Variants in AFF4 observed in about 807,000 individuals in gnomAD.
The protein encoded by AFF4 is AF4/FMR2 family member 4.
In AFF4, 13 loss-of-function variants were observed where a neutral mutation model predicts 124.8. That is an observed-to-expected ratio of 0.10 (90% CI 0.07 to 0.17). The LOEUF is 0.17. Ranked by LOEUF, AFF4 falls within the 10% of genes least tolerant of loss-of-function variation. The pLI is 1.00. For missense variants in AFF4, 1,092 were observed against 1,403.8 expected (o/e 0.78, Z 3.55); for synonymous variants, 477 against 496.1 (o/e 0.96, Z 0.51).
At chr5:132,948,313 T>C (rs1761749130) in intron 1 of AFF4, among the ~76,000 whole-genome samples, 1 of 152,148 alleles carries the variant, frequency 6.6e-6, no homozygotes, top group Admixed American at 6.6e-5. Flanking sequence ...CCTCCCAAAG[T>C]GAAATTGTAC....
At chr5:132,921,911 G>A (rs1761057819) in intron 5 of AFF4, among the ~76,000 whole-genome samples, 1 of 150,460 alleles carries the variant, frequency 6.6e-6, no homozygotes, top group Admixed American at 6.6e-5. Flanking sequence ...ATCCTGAGTG[G>A]CTGAGACTAC....
chr5:132,883,077 A>T (rs2150063321), intron 20 of AFF4, among the ~76,000 whole-genome samples: 1 of 152,230 alleles, frequency 6.6e-6, no homozygotes, highest in African/African-American at 2.4e-5. Flanking sequence ...AGCTGCATTT[A>T]ATGTGCCAGA....
At chr5:132,935,860 T>C (rs867108911) in intron 2 of AFF4, among the ~76,000 whole-genome samples, 1 of 149,286 alleles carries the variant, frequency 6.7e-6, no homozygotes, top group Non-Finnish European at 1.5e-5. Context: ...AAGTCAGTGG[T>C]GGCAATGAGC....
At position 132,883,543 on chromosome 5, in the gene AFF4, G is replaced by A. The variant is rs1273447444; in HGVS notation, c.3161C>T (p.Pro1054Leu). ...TGACAGCTTTGGAGAAACAGGGGAA[G>A]GCATCCCCACAGCTTTGCTACACAA... Reference protein sequence around the residue: ...PGLGSKAVGMPSPVSPKLSPG... With the variant: ...PGLGSKAVGMLSPVSPKLSPG... The change falls in exon 20 of 21, where the codon CCT (proline) becomes CTT (leucine). Residue 1054 changes from proline (P) to leucine (L), a missense_variant. Around this residue, in one of 11 missense-constraint regions of AFF4, gnomAD observed 173 missense variants for 294.9 expected, o/e 0.59. Coordinates refer to ENST00000265343, the MANE Select transcript of AFF4 (RefSeq NM_014423.4). 1.2e-6 allele frequency: 2 copies of A among 1,613,702 alleles called. No individual in the cohort carries two copies.
intron 5 of AFF4, among the ~76,000 whole-genome samples, chr5:132,924,769 C>T (rs977544720): frequency 3.3e-5 from 5 of 151,826 alleles, no homozygotes; most frequent in East Asian, 1.9e-4. Context: ...GCAGGAAAAT[C>T]GCTTGAACCC....
At chr5:132,889,487 C>A (rs987151826) in intron 13 of AFF4, among the ~76,000 whole-genome samples, 1 of 152,170 alleles carries the variant, frequency 6.6e-6, no homozygotes, top group African/African-American at 2.4e-5. Context: ...CTTACGGCAA[C>A]ATTTATTGGT....
At chr5:132,936,960 G>GGTATTCATAGTAATTCTT (rs1761446821) in intron 2 of AFF4, 107 bp downstream of exon 2, 1 of 1,379,176 alleles carries the variant, frequency 7.3e-7, no homozygotes, top group Admixed American at 2.3e-5. Context: ...AATGTTAAGT[G>GGTATTCATAGTAATTCTT]GTATTCATAG....
At chr5:132,955,795 AATATATAT>A (rs966690877) in intron 1 of AFF4, among the ~76,000 whole-genome samples, 1 of 117,558 alleles carries the variant, frequency 8.5e-6, no homozygotes, top group African/African-American at 3.6e-5. Context: ...AAAAAAAAAA[AATATATAT>A]ATATATATAT....
chr5:132,888,460 C>G (rs757479488), intron 14 of AFF4, among the ~76,000 whole-genome samples: 14 of 151,892 alleles, frequency 9.2e-5, no homozygotes, highest in Non-Finnish European at 1.8e-4. Context: ...GGAGAAATTA[C>G]CTTTTATTAA....
At chr5:132,888,754 G>C (rs1397302570) in intron 14 of AFF4, among the ~76,000 whole-genome samples, 1 of 151,756 alleles carries the variant, frequency 6.6e-6, no homozygotes, top group Non-Finnish European at 1.5e-5. Context: ...CGGGAGTACA[G>C]TGGCACAATC....
chr5:132,889,094 A>C lies in AFF4; in HGVS notation c.2717T>G (p.Leu906Arg), dbSNP rs757996404. The C allele has an allele frequency of 1.2e-6, 2 of 1,613,184 alleles. No homozygotes were observed. Among genetic ancestry groups the C allele is most frequent in the South Asian group, 1.1e-5 (1 of 91,054 alleles). The change falls in exon 14 of 21, where the codon CTT becomes CGT. Residue 906 changes from leucine to arginine, a missense_variant. Leu to Arg is a moderately radical substitution (Grantham distance 102, BLOSUM62 -2). Coordinates refer to ENST00000265343, the MANE Select transcript of AFF4 (RefSeq NM_014423.4). ...LDSSKPRRTK[L>R]VFDDRNYSAD... ...ATTATCTCACCTGTCATCAAAGACA[A>C]GCTTTGTTCTCCGAGGCTTAGAAGA...
At position 132,896,808 on chromosome 5, in the gene AFF4, A is replaced by G; in HGVS notation, c.1822T>C (p.Ser608Pro). Residue 608 changes from serine to proline, a missense_variant, in exon 11 of 21, where the codon TCA (serine) becomes CCA (proline). This residue lies in a region of AFF4 where 174 missense variants were observed against 205.9 expected (regional missense o/e 0.84). Coordinates refer to ENST00000265343, the MANE Select transcript of AFF4 (RefSeq NM_014423.4). Reference protein sequence around the residue: ...SSRHKAATKGSRKPNIKKESK... With the variant: ...SSRHKAATKGPRKPNIKKESK... The stretch of plus-strand genomic sequence containing the variant: ...TCCTTCTTTATATTGGGTTTCCTTG[A>G]GCCTTTGGTGGCTGCTTTGTGTCTG... 1.2e-6 allele frequency: 2 copies of G among 1,613,974 alleles called. No homozygotes were observed. The highest frequency in any genetic ancestry group is 1.7e-6 in the Non-Finnish European group (2 of 1,179,994).
At position 132,880,597 on chromosome 5, in the gene AFF4, G is replaced by C. The variant is rs1415579657; in HGVS notation, c.*462C>G. On this transcript the variant is annotated 3_prime_UTR_variant, in exon 21 of 21. Coordinates refer to ENST00000265343, the MANE Select transcript of AFF4 (RefSeq NM_014423.4). ...CGAACCAATTCTTACTCTTAGAACA[G>C]CTACCACAAAAAGATATTAGGTAAT... The C allele has an allele frequency of 2.7e-6, 1 of 366,108 alleles. No individual in the cohort carries two copies. The highest frequency in any genetic ancestry group is 4.9e-6 in the Non-Finnish European group (1 of 205,876). The allele number at this position is 366,108 out of a possible 1,614,324, so 22.7% of individuals were successfully genotyped here.
In AFF4 at chr5:132,934,156, T is replaced by C. The variant is rs749521715; in HGVS notation, c.909A>G (p.Gln303=). 6.0e-5 allele frequency: 97 copies of C among 1,611,848 alleles called. No homozygotes were observed. Among genetic ancestry groups the C allele is most frequent in the Non-Finnish European group, 7.6e-5 (90 of 1,178,474 alleles). Residue 303 remains glutamine (Q), a synonymous_variant, in exon 3 of 21, where the codon CAA becomes CAG. Coordinates refer to ENST00000265343, the MANE Select transcript of AFF4 (RefSeq NM_014423.4). The part of the protein sequence containing the change: ...AHLTKLKIPS[Q]PLDASASGDV... ...TAAATGTGTGACTTACATCCAGTGG[T>C]TGGGAAGGTATTTTCAGCTTGGTGA...
chr5:132,937,386 T>G (rs925415556), intron 1 of AFF4, among the ~76,000 whole-genome samples, 193 bp from the exon 2 acceptor site: 1 of 152,168 alleles, frequency 6.6e-6, no homozygotes, highest in Non-Finnish European at 1.5e-5. Context: ...CCACAACTAT[T>G]CCAAGGAAAC....
intron 1 of AFF4, among the ~76,000 whole-genome samples, chr5:132,953,662 C>T (rs1229860531): frequency 6.6e-6 from 1 of 152,194 alleles, no homozygotes; most frequent in African/African-American, 2.4e-5. Context: ...AGTAATGCAT[C>T]CAGCCAGCCA....
At chr5:132,915,725 G>A (rs1760894045) in intron 5 of AFF4, among the ~76,000 whole-genome samples, 2 of 151,258 alleles carry the variant, frequency 1.3e-5, no homozygotes, top group South Asian at 4.2e-4. Context: ...CCACCACCAC[G>A]CTCGGCTAAT....
At chr5:132,952,927 A>G (rs1761878942) in intron 1 of AFF4, among the ~76,000 whole-genome samples, 1 of 152,026 alleles carries the variant, frequency 6.6e-6, no homozygotes, top group South Asian at 2.1e-4. Context: ...ACACAACTCT[A>G]TGCCTACAAC....
chr5:132,889,072 A>T lies in AFF4; in HGVS notation c.2732+7T>A. 1 of 1,603,316 alleles carries T rather than the reference A, an allele frequency of 6.2e-7. No individual in the cohort carries two copies. The highest frequency in any genetic ancestry group is 1.1e-5 in the South Asian group (1 of 90,828). ...AAATACAGATACAAAAAATCATATT[A>T]TCTCACCTGTCATCAAAGACAAGCT... On this transcript the variant is annotated splice_region_variant and intron_variant, in intron 14 of 20. Coordinates refer to ENST00000265343, the MANE Select transcript of AFF4 (RefSeq NM_014423.4).
Sources: allele counts gnomAD v4.1 joint callset (sites outside exome capture counted in the v4.1 genomes callset), GRCh38; gene constraint gnomAD v4.1.1; regional missense constraint gnomAD v4.1.1; transcripts MANE v1.5; gene names NCBI Gene and HGNC (gene_info 2026-07-23, HGNC 2026-07-21).